ZNF385D: variants seen among roughly 807,000 people sequenced by gnomAD.
ZNF385D encodes zinc finger protein 659.
A neutral mutation model predicts 35.8 loss-of-function variants in ZNF385D; 15 were observed. The ratio of observed to expected loss-of-function variants is 0.42; its 90% CI spans 0.28 to 0.64. ZNF385D has a LOEUF of 0.64. Ranked by LOEUF, ZNF385D falls within the 30% of genes least tolerant of loss-of-function variation. The pLI is 0.23. For missense variants in ZNF385D, 474 were observed against 494.6 expected (o/e 0.96, Z 0.39); for synonymous variants, 212 against 186.8 (o/e 1.13, Z -1.10).
At chr3:21,688,115 A>C (rs1278659496) in intron 1 of ZNF385D, among the ~76,000 whole-genome samples, 1 of 152,014 alleles carries the variant, frequency 6.6e-6, no homozygotes, top group East Asian at 1.9e-4. Flanking sequence ...TGGTGTCTCT[A>C]CTATTATTTT....
chr3:21,580,423 A>G (rs115523703), intron 2 of ZNF385D, among the ~76,000 whole-genome samples: 23 of 152,220 alleles, frequency 1.5e-4, no homozygotes, highest in East Asian at 1.9e-4. Context: ...TACGAAGTCT[A>G]TAGAAAACAA....
intron 2 of ZNF385D, among the ~76,000 whole-genome samples, chr3:22,320,992 A>G (rs1694387969): frequency 6.6e-6 from 1 of 151,962 alleles, no homozygotes; most frequent in Admixed American, 6.6e-5. Flanking sequence ...AGGAAAAACA[A>G]ATTTGCGGAA....
chr3:22,133,868 T>C (rs948932238), intron 3 of ZNF385D: 2 of 151,880 alleles, frequency 1.3e-5, no homozygotes, highest in Non-Finnish European at 1.5e-5. Context: ...GACTTCTAAC[T>C]ACTAAGTGAA....
intron 1 of ZNF385D, among the ~76,000 whole-genome samples, chr3:21,719,813 G>A (rs750371592): frequency 1.3e-5 from 2 of 152,136 alleles, no homozygotes; most frequent in Non-Finnish European, 2.9e-5. Flanking sequence ...ATTACTCTAT[G>A]CTGCATCTCT....
chr3:22,061,331 A>G (rs1699675472), intron 3 of ZNF385D, among the ~76,000 whole-genome samples: 1 of 152,014 alleles, frequency 6.6e-6, no homozygotes, highest in Non-Finnish European at 1.5e-5. Flanking sequence ...CTTCTGTCCA[A>G]ATGTATTTTA....
At chr3:22,226,362 G>C (rs1297166577) in intron 2 of ZNF385D, among the ~76,000 whole-genome samples, 2 of 152,070 alleles carry the variant, frequency 1.3e-5, no homozygotes, top group Non-Finnish European at 2.9e-5. Context: ...GGGAAGGACT[G>C]CCATTTCAGA....
At chr3:21,981,394 G>T (rs1320047644) in intron 3 of ZNF385D, among the ~76,000 whole-genome samples, 2 of 151,998 alleles carry the variant, frequency 1.3e-5, no homozygotes, top group South Asian at 2.1e-4. Flanking sequence ...GTTCATGACT[G>T]AACACTTTTA....
chr3:22,005,145 AAAG>A (rs1696123463), intron 3 of ZNF385D, among the ~76,000 whole-genome samples: 2 of 151,990 alleles, frequency 1.3e-5, no homozygotes, highest in African/African-American at 4.8e-5. Flanking sequence ...ACATTTCTCA[AAAG>A]AAGACATACA....
rs1162877807 is a variant in ZNF385D, at chr3:22,010,324, G to A, written c.325+158493C>T. On this transcript the variant is annotated intron_variant, in intron 3 of 5. Coordinates refer to the ZNF385D transcript ENST00000494108. ...TACTTCGGAAATTTACTGAAGTGGG[G>A]CAAATCAAAATTCACAAGTGTTCTA... Among the ~76,000 whole-genome samples, 7 of 152,106 alleles carry A rather than the reference G, an allele frequency of 4.6e-5. No individual in the cohort carries two copies. In the East Asian group the frequency reaches 9.6e-4, roughly 21 times the overall value.
At chr3:22,311,760 T>A (rs1575095095) in intron 2 of ZNF385D, among the ~76,000 whole-genome samples, 1 of 152,120 alleles carries the variant, frequency 6.6e-6, no homozygotes, top group South Asian at 2.1e-4. Context: ...ACAAATCTAG[T>A]ACTTTTAAAA....
At chr3:21,983,174 T>A (rs1694600973) in intron 3 of ZNF385D, among the ~76,000 whole-genome samples, 2 of 148,096 alleles carry the variant, frequency 1.4e-5, no homozygotes, top group African/African-American at 4.9e-5. Context: ...ATTATTTTTT[T>A]TTATTATACT....
At chr3:21,567,474 A>G (rs1204931922) in intron 2 of ZNF385D, among the ~76,000 whole-genome samples, 3 of 152,154 alleles carry the variant, frequency 2.0e-5, no homozygotes, top group Non-Finnish European at 4.4e-5. Context: ...CGCTGCTTCA[A>G]TAGCCCTCAT....
At chr3:21,797,399 T>C (rs2072202013) in intron 3 of ZNF385D, among the ~76,000 whole-genome samples, 2 of 152,088 alleles carry the variant, frequency 1.3e-5, no homozygotes, top group South Asian at 2.1e-4. Context: ...GGAAACAAAA[T>C]CCTAGAGCCA....
At chr3:21,967,412 A>G (rs1052502465) in intron 3 of ZNF385D, among the ~76,000 whole-genome samples, 11 of 152,184 alleles carry the variant, frequency 7.2e-5, no homozygotes, top group African/African-American at 2.4e-4. Context: ...ACTTCCAGCT[A>G]TTTTGGATTA....
chr3:21,815,706 C>G (rs1449122198), intron 3 of ZNF385D, among the ~76,000 whole-genome samples: 1 of 151,982 alleles, frequency 6.6e-6, no homozygotes, highest in Non-Finnish European at 1.5e-5. Flanking sequence ...CCAACCAAAA[C>G]CAGTACCGGA....
intron 3 of ZNF385D, among the ~76,000 whole-genome samples, chr3:22,167,685 C>T (rs1463603399): frequency 6.6e-6 from 1 of 152,162 alleles, no homozygotes; most frequent in African/African-American, 2.4e-5. Flanking sequence ...CATTGCTGGC[C>T]AGGTGTTTCT....
intron 3 of ZNF385D, among the ~76,000 whole-genome samples, chr3:22,074,305 C>T (rs1700365453): frequency 6.6e-6 from 1 of 151,942 alleles, no homozygotes; most frequent in Non-Finnish European, 1.5e-5. Flanking sequence ...TAATTAGATA[C>T]ATAGTTACCA....
At position 22,212,840 on chromosome 3, in the gene ZNF385D, TGAG is replaced by T. The variant is rs551677761; in HGVS notation, c.107-43808_107-43806del. 1.2e-3 allele frequency among the ~76,000 whole-genome samples: 186 copies of T among 152,116 alleles called. 1 individual carries two copies. The highest frequency in any genetic ancestry group is 1.9e-3 in the Admixed American group (29 of 15,212). ...CTTGTTATCTTATTTATGGCCTTTC[TGAG>T]AAGAAATTATTAAGTAATACTTAAT... is the stretch of plus-strand genomic sequence containing the variant. On this transcript the variant is annotated intron_variant, in intron 2 of 5. Transcript: ENST00000494108.
At chr3:21,490,195 T>G (rs1483176772) in intron 4 of ZNF385D, among the ~76,000 whole-genome samples, 1 of 152,112 alleles carries the variant, frequency 6.6e-6, no homozygotes, top group Non-Finnish European at 1.5e-5. Flanking sequence ...CTGAGGTGTC[T>G]AACTCTGCCA....
Sources: allele counts gnomAD v4.1 joint callset (sites outside exome capture counted in the v4.1 genomes callset), GRCh38; gene constraint gnomAD v4.1.1; transcripts MANE v1.5; gene names NCBI Gene and HGNC (gene_info 2026-07-23, HGNC 2026-07-21).